Variants in P2RY2 observed in about 807,000 individuals in gnomAD.
P2RY2 encodes the protein purinergic receptor P2Y2.
For synonymous variants in P2RY2, 241 were observed against 231.9 expected, an observed-to-expected ratio of 1.04 and a Z score of -0.35; for missense variants, 567 against 515.7, an observed-to-expected ratio of 1.10 and a Z score of -0.96.
At chr11:73,227,551 TGGGCAAAATTGTATTGGCAGAA>T in intron 1 of P2RY2, among the ~76,000 whole-genome samples, 1 of 152,208 alleles carries the variant, frequency 6.6e-6, no homozygotes, top group Admixed American at 6.5e-5. Context: ...AAACCTAGCT[TGGGCAAAATTGTATTGGCAGAA>T]GGGCAAAAGT....
intron 2 of P2RY2, among the ~76,000 whole-genome samples, chr11:73,230,773 G>A (rs1862429611): frequency 1.3e-5 from 2 of 152,258 alleles, no homozygotes; most frequent in Admixed American, 1.3e-4. Flanking sequence ...GGTTGGGGCG[G>A]GTGAGGTTGG....
At chr11:73,220,963 C>T (rs1235299542) in intron 1 of P2RY2, among the ~76,000 whole-genome samples, 2 of 152,166 alleles carry the variant, frequency 1.3e-5, no homozygotes, top group African/African-American at 2.4e-5. Flanking sequence ...CATTGTCCCT[C>T]TCTAGGTGTC....
chr11:73,222,343 T>C (rs985943113), intron 1 of P2RY2, among the ~76,000 whole-genome samples: 2 of 151,772 alleles, frequency 1.3e-5, no homozygotes, highest in African/African-American at 4.8e-5. Flanking sequence ...AGGGACCTGC[T>C]CCTCTCATGG....
intron 1 of P2RY2, among the ~76,000 whole-genome samples, chr11:73,225,934 C>T (rs1862264377): frequency 6.6e-6 from 1 of 152,130 alleles, no homozygotes; most frequent in African/African-American, 2.4e-5. Context: ...TGCCTGAGGG[C>T]ACTAGGGAGC....
chr11:73,233,667 A>G (rs1299897399), intron 2 of P2RY2, among the ~76,000 whole-genome samples: 1 of 152,210 alleles, frequency 6.6e-6, no homozygotes. Context: ...GCTAATTTTT[A>G]AAAGAATTTT....
At chr11:73,220,636 G>A (rs973144455) in intron 1 of P2RY2, among the ~76,000 whole-genome samples, 2 of 152,210 alleles carry the variant, frequency 1.3e-5, no homozygotes, top group Non-Finnish European at 2.9e-5. Context: ...TCCTGCATGG[G>A]AGAGTATGTG....
Position 73,240,523 on chromosome 11 carries a change from C to A in P2RY2, c.*5230C>A, listed in dbSNP as rs923481098. The A allele has an allele frequency of 6.6e-6, 1 of 152,238 alleles. No individual in the cohort carries two copies. The highest frequency in any genetic ancestry group is 2.4e-5 in the African/African-American group (1 of 41,434). 9.4% of individuals were successfully genotyped at this position (152,238 alleles called of 1,614,324 possible). A position where few individuals can be genotyped will look rare whatever the true frequency, so the allele number is the denominator to read the frequency against. On this transcript the variant is annotated 3_prime_UTR_variant, in exon 3 of 3. Coordinates refer to ENST00000393597, the MANE Select transcript of P2RY2 (RefSeq NM_002564.4). ...CACGTGAGACTCCTGGGAGACACAA[C>A]CAGTTGGAATGAGTTTTCCCTCCTG...
In P2RY2 at chr11:73,236,781, G is replaced by T; in HGVS notation, c.*1488G>T. The T allele has an allele frequency of 1.0e-6, 1 of 985,418 alleles. No homozygotes were observed. The allele number at this position is 985,418 out of a possible 1,614,324, so 61.0% of individuals were successfully genotyped here. A position where few individuals can be genotyped will look rare whatever the true frequency, so the allele number is the denominator to read the frequency against. On this transcript the variant is annotated 3_prime_UTR_variant, in exon 3 of 3. Coordinates refer to ENST00000393597, the MANE Select transcript of P2RY2 (RefSeq NM_002564.4). Reference sequence around the variant, plus strand: ...CCCAGAATGGCAGGGTGGTGCTCAGGCTGGGTCAGGACTTAGTATGGGGGA... The same window carrying T: ...CCCAGAATGGCAGGGTGGTGCTCAGTCTGGGTCAGGACTTAGTATGGGGGA...
At chr11:73,231,562 GAA>G (rs1345037576) in intron 2 of P2RY2, among the ~76,000 whole-genome samples, 1 of 121,602 alleles carries the variant, frequency 8.2e-6, no homozygotes. Flanking sequence ...GTCTCAAAAA[GAA>G]AAAAAAAAAA....
In P2RY2 at chr11:73,236,977, A is replaced by T. The variant is rs1862669659; in HGVS notation, c.*1684A>T. 21 of 984,902 alleles carry T rather than the reference A, an allele frequency of 2.1e-5. No individual in the cohort carries two copies. Among genetic ancestry groups the T allele is most frequent in the Non-Finnish European group, 2.4e-5 (20 of 829,784 alleles). 61.0% of individuals were successfully genotyped at this position (984,902 alleles called of 1,614,324 possible). A position where few individuals can be genotyped will look rare whatever the true frequency, so the allele number is the denominator to read the frequency against. Reference sequence around the variant, plus strand: ...GGACTCCCTCCTCTCCCTCTGGGAGAGCCCTCGCCCTGTGGCCCACTCTGC... The same window carrying T: ...GGACTCCCTCCTCTCCCTCTGGGAGTGCCCTCGCCCTGTGGCCCACTCTGC... On this transcript the variant is annotated 3_prime_UTR_variant, in exon 3 of 3. Coordinates refer to ENST00000393597, the MANE Select transcript of P2RY2 (RefSeq NM_002564.4).
intron 2 of P2RY2, among the ~76,000 whole-genome samples, chr11:73,232,823 A>G (rs1483323239): frequency 6.6e-6 from 1 of 152,146 alleles, no homozygotes; most frequent in Admixed American, 6.5e-5. Context: ...AAACTTGCCC[A>G]CCCAGGACTT....
intron 1 of P2RY2, among the ~76,000 whole-genome samples, chr11:73,219,095 C>G (rs973783821): frequency 6.6e-6 from 1 of 152,198 alleles, no homozygotes; most frequent in Non-Finnish European, 1.5e-5. Context: ...CCTCCAGGAG[C>G]GCAGCCCAAG....
Position 73,235,887 on chromosome 11 carries a change from A to G in P2RY2, c.*594A>G. 1.0e-6 allele frequency: 1 copy of G among 1,000,418 alleles called. No individual in the cohort carries two copies. Among genetic ancestry groups the G allele is most frequent in the Middle Eastern group, 5.2e-4 (1 of 1,916 alleles). The allele number at this position is 1,000,418 out of a possible 1,614,324, so 62.0% of individuals were successfully genotyped here. A position where few individuals can be genotyped will look rare whatever the true frequency, so the allele number is the denominator to read the frequency against. Reference sequence around the variant, plus strand: ...CATCTGGAGGCTCCCATGGGCTAGGAGCCAGTGTGAGGCTGTAACTTATAC... The same window carrying G: ...CATCTGGAGGCTCCCATGGGCTAGGGGCCAGTGTGAGGCTGTAACTTATAC... On this transcript the variant is annotated 3_prime_UTR_variant, in exon 3 of 3. Transcript: ENST00000393597.
At chr11:73,222,455 C>T (rs903775279) in intron 1 of P2RY2, among the ~76,000 whole-genome samples, 2 of 152,120 alleles carry the variant, frequency 1.3e-5, no homozygotes, top group African/African-American at 4.8e-5. Flanking sequence ...TGACTCTGAC[C>T]ATGTCCTTCC....
Position 73,235,886 on chromosome 11 carries a change from G to A in P2RY2, c.*593G>A. 2.0e-6 allele frequency: 2 copies of A among 1,000,504 alleles called. No individual in the cohort carries two copies. Among genetic ancestry groups the A allele is most frequent in the Non-Finnish European group, 2.4e-6 (2 of 830,154 alleles). The allele number at this position is 1,000,504 out of a possible 1,614,324, so 62.0% of individuals were successfully genotyped here. On this transcript the variant is annotated 3_prime_UTR_variant, in exon 3 of 3. Transcript: ENST00000393597. ...CCATCTGGAGGCTCCCATGGGCTAG[G>A]AGCCAGTGTGAGGCTGTAACTTATA...
chr11:73,229,825 G>A (rs769255603), intron 2 of P2RY2, among the ~76,000 whole-genome samples: 4 of 152,038 alleles, frequency 2.6e-5, no homozygotes, highest in African/African-American at 7.3e-5. Context: ...CTCGGCACGG[G>A]GGCAGAAACA....
Position 73,237,656 on chromosome 11 carries a change from C to T in P2RY2, c.*2363C>T, listed in dbSNP as rs574888801. Among the ~76,000 whole-genome samples the T allele has an allele frequency of 2.0e-5, 3 of 152,218 alleles. No individual in the cohort carries two copies. The highest frequency in any genetic ancestry group is 7.2e-5 in the African/African-American group (3 of 41,460). ...GGAGGGGCTCGTTCACCATCTAATC[C>T]TGTGGCAGGCACAGGTGGGGGTGGA... is the stretch of plus-strand genomic sequence containing the variant. On this transcript the variant is annotated 3_prime_UTR_variant, in exon 3 of 3. Transcript: ENST00000393597.
Position 73,241,901 on chromosome 11 carries a change from G to A in P2RY2, c.*6608G>A, listed in dbSNP as rs777360124. The stretch of plus-strand genomic sequence containing the variant: ...AAATGACCTGATTAGAGTGTGCAAC[G>A]TCTTTCCTGCTGGGACTCTGACTGA... On this transcript the variant is annotated 3_prime_UTR_variant, in exon 3 of 3. Coordinates refer to ENST00000393597, the MANE Select transcript of P2RY2 (RefSeq NM_002564.4). 1.6e-4 allele frequency: 24 copies of A among 152,408 alleles called. No individual in the cohort carries two copies. Among genetic ancestry groups the A allele is most frequent in the South Asian group, 1.2e-3 (6 of 4,828 alleles). 9.4% of individuals were successfully genotyped at this position (152,408 alleles called of 1,614,324 possible).
At chr11:73,231,583 A>G (rs536159139) in intron 2 of P2RY2, among the ~76,000 whole-genome samples, 4 of 151,600 alleles carry the variant, frequency 2.6e-5, no homozygotes, top group Admixed American at 2.0e-4. Flanking sequence ...AAGAAAGAAA[A>G]AAAGAAGGGA....
Sources: allele counts gnomAD v4.1 joint callset (sites outside exome capture counted in the v4.1 genomes callset), GRCh38; gene constraint gnomAD v4.1.1; transcripts MANE v1.5; gene names NCBI Gene and HGNC (gene_info 2026-07-23, HGNC 2026-07-21).